LYRM4: variants seen among roughly 807,000 people sequenced by gnomAD.
The protein encoded by LYRM4 is LYR motif-containing protein 4.
LYRM4 carries 9 observed loss-of-function variants against 11.7 expected under a neutral mutation model. That is an observed-to-expected ratio of 0.77 (90% CI 0.46 to 1.34). The LOEUF (loss-of-function observed/expected upper bound fraction) is 1.34. LYRM4 is among the 40% of genes most tolerant of loss of function. The pLI, the probability that LYRM4 is intolerant of heterozygous loss-of-function variation, is 0.00. For missense variants in LYRM4, 133 were observed against 112.5 expected, an observed-to-expected ratio of 1.18 and a Z score of -0.82; for synonymous variants, 42 against 40.4, an observed-to-expected ratio of 1.04 and a Z score of -0.15.
chr6:5,245,940 A>G (rs544512955), intron 1 of LYRM4, among the ~76,000 whole-genome samples: 1 of 152,328 alleles, frequency 6.6e-6, no homozygotes, highest in South Asian at 2.1e-4. Context: ...TAAGGCGAGA[A>G]AGGCAGGAAA....
At chr6:5,242,068 C>T (rs1362039071) in intron 1 of LYRM4, among the ~76,000 whole-genome samples, 11 of 151,186 alleles carry the variant, frequency 7.3e-5, no homozygotes, top group Non-Finnish European at 1.5e-4. Context: ...TCCTGGCTTG[C>T]TTACACTTTT....
Position 5,260,725 on chromosome 6 carries a change from G to T in LYRM4, c.9C>A (p.Ala3=). The change falls in exon 1 of 3, where the codon GCC becomes GCA. Residue 3 remains alanine (A), a synonymous_variant. Transcript: ENST00000330636. MA[A]SSRAQVLSLY... is the part of the protein sequence containing the mutation. ...GAGATAACACTTGTGCGCGACTGGA[G>T]GCTGCCATTTTGGAAAGAAAAAAAA... The T allele has an allele frequency of 6.4e-7, 1 of 1,550,452 alleles. No homozygotes were observed. The highest frequency in any genetic ancestry group is 8.7e-7 in the Non-Finnish European group (1 of 1,148,532).
At chr6:5,083,790 T>A in the LYRM4 span, among the ~76,000 whole-genome samples, 1 of 152,322 alleles carries the variant, frequency 6.6e-6, no homozygotes, top group South Asian at 2.1e-4. Context: ...AACCATGACA[T>A]GTTTTAGTTA....
Position 5,178,446 on chromosome 6 carries a change from C to CT in LYRM4, c.207+38171dup, listed in dbSNP as rs57538719. ...AAAAATTGTTTAGGGATTCATAACT[C>CT]TTTTTTTTTTTTTTTAATTAAGCTT... On this transcript the variant is annotated intron_variant, in intron 2 of 2. Transcript: ENST00000330636. Among the ~76,000 whole-genome samples the CT allele has an allele frequency of 2.5e-3, 357 of 143,100 alleles. 1 individual carries two copies. The highest frequency in any genetic ancestry group is 7.2e-3 in the Middle Eastern group (2 of 276). The allele number at this position is 143,100 out of a possible 152,430, so 93.9% of individuals were successfully genotyped here.
chr6:5,061,833 C>T, the LYRM4 span, among the ~76,000 whole-genome samples: 3 of 152,096 alleles, frequency 2.0e-5, no homozygotes, highest in South Asian at 2.1e-4. Context: ...ATGAATAAGA[C>T]GCAAGACCCA....
chr6:5,036,460 C>A, the LYRM4 span, among the ~76,000 whole-genome samples: 1 of 152,190 alleles, frequency 6.6e-6, no homozygotes, highest in Non-Finnish European at 1.5e-5. Flanking sequence ...CAGCTGCCTC[C>A]GCTGAGCTGG....
intron 2 of LYRM4, among the ~76,000 whole-genome samples, chr6:5,123,212 C>G (rs1763541298): frequency 6.6e-6 from 1 of 152,158 alleles, no homozygotes; most frequent in African/African-American, 2.4e-5. Flanking sequence ...GAATACTTGA[C>G]CCTCGCTCAG....
chr6:5,069,456 T>G, the LYRM4 span, among the ~76,000 whole-genome samples: 2 of 149,612 alleles, frequency 1.3e-5, no homozygotes, highest in Non-Finnish European at 3.0e-5. Flanking sequence ...AGCTACACTA[T>G]ATATATATTA....
the LYRM4 span, among the ~76,000 whole-genome samples, chr6:5,044,874 T>C: frequency 6.6e-6 from 1 of 152,238 alleles, no homozygotes. Flanking sequence ...GCTGCTACTC[T>C]ACAGCCTGCC....
At chr6:5,201,716 C>T (rs1761404177) in intron 2 of LYRM4, among the ~76,000 whole-genome samples, 1 of 152,200 alleles carries the variant, frequency 6.6e-6, no homozygotes, top group Non-Finnish European at 1.5e-5. Context: ...CCCAGAGAGG[C>T]ACTCTGACTT....
the LYRM4 span, among the ~76,000 whole-genome samples, chr6:5,059,152 G>A: frequency 3.9e-5 from 6 of 151,976 alleles, no homozygotes; most frequent in African/African-American, 1.5e-4. Flanking sequence ...ACTAGCATGG[G>A]CAATATTGAG....
chr6:5,165,468 A>C (rs979500719), intron 2 of LYRM4, among the ~76,000 whole-genome samples: 1 of 152,130 alleles, frequency 6.6e-6, no homozygotes, highest in Non-Finnish European at 1.5e-5. Flanking sequence ...ATTCCAGGAG[A>C]TTCATTTTTA....
the LYRM4 span, among the ~76,000 whole-genome samples, chr6:5,077,028 CT>C: frequency 1.3e-5 from 2 of 152,194 alleles, no homozygotes; most frequent in East Asian, 3.9e-4. Flanking sequence ...AAGGCTCCCC[CT>C]ACCACATCTT....
intron 2 of LYRM4, among the ~76,000 whole-genome samples, chr6:5,111,121 C>T (rs1170333939): frequency 6.6e-6 from 1 of 152,126 alleles, no homozygotes; most frequent in Non-Finnish European, 1.5e-5. Flanking sequence ...CTGAATAGTA[C>T]ATGGTTTTGT....
At chr6:5,066,474 T>A in the LYRM4 span, 161 of 763,720 alleles carry the variant, frequency 2.1e-4, 1 homozygote, top group Non-Finnish European at 2.4e-5. Context: ...AAAGAGCCCT[T>A]GAGAAGCCAT....
chr6:5,154,685 GTCAC>G (rs1407271925), intron 2 of LYRM4, among the ~76,000 whole-genome samples: 81 of 152,278 alleles, frequency 5.3e-4, no homozygotes, highest in African/African-American at 1.3e-3. Context: ...CGGGCGTGGT[GTCAC>G]GCGCCTGTAG....
chr6:5,228,260 T>A (rs1404870039), intron 1 of LYRM4, among the ~76,000 whole-genome samples: 1 of 152,100 alleles, frequency 6.6e-6, no homozygotes, highest in Non-Finnish European at 1.5e-5. Context: ...TGGAGGAAAT[T>A]CATTACACAA....
At chr6:5,224,516 AG>A (rs1279019537) in intron 1 of LYRM4, among the ~76,000 whole-genome samples, 1 of 152,222 alleles carries the variant, frequency 6.6e-6, no homozygotes, top group Non-Finnish European at 1.5e-5. Flanking sequence ...TCCTACTTTT[AG>A]GGATCTATCC....
At chr6:5,235,392 G>A (rs1763484630) in intron 1 of LYRM4, among the ~76,000 whole-genome samples, 1 of 152,164 alleles carries the variant, frequency 6.6e-6, no homozygotes, top group Admixed American at 6.5e-5. Context: ...ATTCTAGAAG[G>A]AGTAAAAATT....
Sources: allele counts gnomAD v4.1 joint callset (sites outside exome capture counted in the v4.1 genomes callset), GRCh38; gene constraint gnomAD v4.1.1; transcripts MANE v1.5; gene names NCBI Gene and HGNC (gene_info 2026-07-23, HGNC 2026-07-21).